The following UFL1 variants were observed in gnomAD, a reference collection of about 807,000 sequenced individuals.
UFL1 encodes UFM1 specific ligase 1, also known as E3 UFM1-protein ligase 1.
Under a neutral mutation model 99.3 loss-of-function variants are expected in UFL1, and 78 were observed. The observed-to-expected ratio is 0.79, with a 90% confidence interval of 0.65 to 0.95. UFL1 has a LOEUF of 0.95. UFL1 is among the 40% of genes least tolerant of loss of function. The probability of loss-of-function intolerance (pLI) is 0.00; values close to 1 mark genes in which losing one functional copy is unlikely to be tolerated. For synonymous variants in UFL1, 335 were observed against 322.2 expected, an observed-to-expected ratio of 1.04 and a Z score of -0.42; for missense variants, 936 against 937.0, an observed-to-expected ratio of 1.00 and a Z score of 0.01.
At chr6:96,552,262 T>C (rs1440145743) in intron 17 of UFL1, among the ~76,000 whole-genome samples, 1 of 152,106 alleles carries the variant, frequency 6.6e-6, no homozygotes, top group African/African-American at 2.4e-5. Flanking sequence ...ATACTTTGAG[T>C]ATTCCCACTC....
chr6:96,551,783 A>T, intron 16 of UFL1, 55 bp from the exon 17 acceptor site: 1 of 1,157,870 alleles, frequency 8.6e-7, no homozygotes, highest in Non-Finnish European at 1.2e-6. Flanking sequence ...AAATGGCTAT[A>T]CTTCCTTATG....
At chr6:96,524,231 T>C (rs919221901) in intron 2 of UFL1, 151 bp from the exon 3 acceptor site, 1 of 621,682 alleles carries the variant, frequency 1.6e-6, no homozygotes, top group African/African-American at 1.9e-5. Flanking sequence ...GACTTAGCCA[T>C]CAGCTAATGG....
At chr6:96,548,121 TTTTA>T (rs746528847) in intron 12 of UFL1, 39 bp from the exon 13 acceptor site, 539 of 1,341,570 alleles carry the variant, frequency 4.0e-4, no homozygotes, top group Admixed American at 8.2e-4. Flanking sequence ...GTTGCATGTT[TTTTA>T]TTTATTTATT....
At chr6:96,525,463 A>G in intron 4 of UFL1, 69 bp downstream of exon 4, 1 of 1,156,854 alleles carries the variant, frequency 8.6e-7, no homozygotes, top group South Asian at 1.3e-5. Context: ...TAGTGTTTAA[A>G]TTTAGGCCAA....
Position 96,537,541 on chromosome 6 carries a change from G to T in UFL1, c.970G>T (p.Asp324Tyr). The change falls in exon 9 of 19, where the codon GAT (aspartate) becomes TAT (tyrosine). Residue 324 changes from aspartate (D) to tyrosine (Y), a missense_variant. Coordinates refer to ENST00000369278, the MANE Select transcript of UFL1 (RefSeq NM_015323.5). ...EEAISSGTWV[D>Y]IAPLLPTSLS... ...AGCCATCAGCTCTGGAACATGGGTTGATATTGCAGTATGTTTTATCTTTTC... is the reference window on the plus strand; with the variant it reads ...AGCCATCAGCTCTGGAACATGGGTTTATATTGCAGTATGTTTTATCTTTTC... The T allele has an allele frequency of 1.3e-6, 2 of 1,584,422 alleles. No individual in the cohort carries two copies. Among genetic ancestry groups the T allele is most frequent in the African/African-American group, 2.8e-5 (2 of 72,540 alleles).
intron 18 of UFL1, 62 bp downstream of exon 18, chr6:96,552,724 A>T (rs756459188): frequency 2.1e-6 from 3 of 1,425,332 alleles, no homozygotes; most frequent in Non-Finnish European, 2.8e-6. Context: ...TTTTGAGTGG[A>T]TTGAGATGAA....
intron 1 of UFL1, among the ~76,000 whole-genome samples, chr6:96,522,223 C>G (rs1380906760): frequency 6.6e-6 from 1 of 152,088 alleles, no homozygotes; most frequent in African/African-American, 2.4e-5. Flanking sequence ...CCGGTGATTT[C>G]GAGCTGCCTT....
rs768938945 is a variant in UFL1 at position 96,548,263 on chromosome 6, T to C, written c.1502T>C (p.Leu501Pro). Reference sequence around the variant, plus strand: ...GCCCCTGAGGAGTTTATTTCGGAACTTGCTGAGTACTTAATAAAGCAAGTA... The same window carrying C: ...GCCCCTGAGGAGTTTATTTCGGAACCTGCTGAGTACTTAATAAAGCAAGTA... ...QDAPEEFISE[L>P]AEYLIKPLNK... The change falls in exon 13 of 19, where the codon CTT becomes CCT. Residue 501 changes from leucine (L) to proline (P), a missense_variant. Leu to Pro is a moderately conservative substitution (Grantham distance 98). Coordinates refer to ENST00000369278, the MANE Select transcript of UFL1 (RefSeq NM_015323.5). The C allele has an allele frequency of 1.6e-5, 25 of 1,595,540 alleles. No individual in the cohort carries two copies. The highest frequency in any genetic ancestry group is 1.3e-5 in the Non-Finnish European group (15 of 1,170,558).
chr6:96,553,265 T>A lies in UFL1; in HGVS notation c.2167-20T>A. The A allele has an allele frequency of 6.2e-7, 1 of 1,604,106 alleles. No individual in the cohort carries two copies. The highest frequency in any genetic ancestry group is 8.5e-7 in the Non-Finnish European group (1 of 1,174,558). ...AAAAAGATAAATTGTGTTGATTAAC[T>A]TTTCTTTCCCTTTTCACAGGATCAG... is the stretch of plus-strand genomic sequence containing the variant. On this transcript the variant is annotated intron_variant, in intron 18 of 18. Transcript: ENST00000369278.
At chr6:96,540,023 A>T (rs1769908365) in intron 10 of UFL1, among the ~76,000 whole-genome samples, 3 of 151,378 alleles carry the variant, frequency 2.0e-5, no homozygotes, top group African/African-American at 7.3e-5. Context: ...CGTTGTTATC[A>T]TAAACTTTTT....
At position 96,554,736 on chromosome 6, in the gene UFL1, G is replaced by T. The variant is rs1357106947; in HGVS notation, c.*1233G>T. On this transcript the variant is annotated 3_prime_UTR_variant, in exon 19 of 19. Coordinates refer to ENST00000369278, the MANE Select transcript of UFL1 (RefSeq NM_015323.5). The stretch of plus-strand genomic sequence containing the variant: ...GACAAAGTATTAATCCTTAGTGAAA[G>T]TAATTAATTAAATTGCCAACTTGGC... The T allele has an allele frequency of 1.3e-5, 2 of 152,480 alleles. No individual in the cohort carries two copies. Among genetic ancestry groups the T allele is most frequent in the African/African-American group, 4.8e-5 (2 of 41,418 alleles). The allele number at this position is 152,480 out of a possible 1,614,324, so 9.4% of individuals were successfully genotyped here.
intron 6 of UFL1, among the ~76,000 whole-genome samples, chr6:96,528,955 A>G (rs1176216160): frequency 6.6e-6 from 1 of 152,206 alleles, no homozygotes; most frequent in African/African-American, 2.4e-5. Flanking sequence ...TGGAAAGAAC[A>G]TGCAATTTAA....
At chr6:96,546,694 A>G (rs1770003464) in intron 12 of UFL1, among the ~76,000 whole-genome samples, 1 of 151,602 alleles carries the variant, frequency 6.6e-6, no homozygotes, top group South Asian at 2.1e-4. Context: ...CAGAATACAC[A>G]ACCCAGAAAT....
chr6:96,541,403 A>G (rs569495892), intron 11 of UFL1, among the ~76,000 whole-genome samples: 8 of 151,622 alleles, frequency 5.3e-5, no homozygotes, highest in African/African-American at 1.2e-4. Context: ...GTAATTTGCA[A>G]TGGAAAAGTA....
chr6:96,541,212 G>C (rs866712474), intron 11 of UFL1, among the ~76,000 whole-genome samples: 2 of 151,316 alleles, frequency 1.3e-5, no homozygotes, highest in Non-Finnish European at 3.0e-5. Flanking sequence ...TATTGTTTGG[G>C]AACTGTGTTG....
intron 12 of UFL1, among the ~76,000 whole-genome samples, chr6:96,545,070 G>A (rs951574311): frequency 6.6e-6 from 1 of 150,882 alleles, no homozygotes; most frequent in Admixed American, 6.6e-5. Flanking sequence ...AAGTAAACAG[G>A]GAAATCATAG....
intron 9 of UFL1, among the ~76,000 whole-genome samples, chr6:96,538,186 TG>T (rs1769880689): frequency 6.6e-6 from 1 of 151,742 alleles, no homozygotes; most frequent in South Asian, 2.1e-4. Context: ...GTTGGGGATA[TG>T]GTAGCCAGAC....
intron 12 of UFL1, among the ~76,000 whole-genome samples, chr6:96,547,052 T>C (rs1409030953): frequency 1.3e-5 from 2 of 151,352 alleles, no homozygotes; most frequent in Non-Finnish European, 3.0e-5. Context: ...ACAGAGTAAA[T>C]AGCCTTCAGA....
intron 11 of UFL1, among the ~76,000 whole-genome samples, chr6:96,542,255 A>G (rs567720910): frequency 6.6e-6 from 1 of 151,356 alleles, no homozygotes; most frequent in African/African-American, 2.4e-5. Context: ...TCAATAGGTA[A>G]TAATACTTTT....
Sources: gnomAD v4.1 joint callset for allele counts (sites outside exome capture counted in the v4.1 genomes callset) on GRCh38, gnomAD v4.1.1 for gene constraint, MANE v1.5 for transcripts, NCBI Gene and HGNC (gene_info 2026-07-23, HGNC 2026-07-21) for gene names.